LOXHD1: variants seen among roughly 807,000 people sequenced by gnomAD.
LOXHD1 encodes lipoxygenase homology domain-containing protein 1.
A neutral mutation model predicts 248.2 loss-of-function variants in LOXHD1; 205 were observed. The observed-to-expected ratio is 0.83, with a 90% CI of 0.74 to 0.93. LOXHD1 has a LOEUF of 0.93. Among genes scored for constraint, LOXHD1 ranks in the 40% least tolerant of loss-of-function variants. The pLI, the probability that LOXHD1 is intolerant of heterozygous loss-of-function variation, is 0.00. For missense variants in LOXHD1, 2,930 were observed against 2,971.6 expected (o/e 0.99, Z 0.33); for synonymous variants, 1,113 against 1,162.8 (o/e 0.96, Z 0.87).
Position 46,577,729 on chromosome 18 carries a change from T to C in LOXHD1, c.1948A>G (p.Asn650Asp). ...TACCTGAGACATGGGAACTCCACGT[T>C]GTCGCTCTCAGGCTGCCCCTCCTCT... is the stretch of plus-strand genomic sequence containing the variant. Reference protein sequence around the residue: ...VREEGQPESDNVEFPCLRWLD... With the variant: ...VREEGQPESDDVEFPCLRWLD... The change falls in exon 14 of 41, where the codon AAC (asparagine) becomes GAC (aspartate). Residue 650 changes from asparagine to aspartate, a missense_variant. By Grantham distance (23) the Asn-to-Asp change is conservative. Coordinates refer to ENST00000642948, the MANE Select transcript of LOXHD1 (RefSeq NM_001384474.1). 9 of 1,551,508 alleles carry C rather than the reference T, an allele frequency of 5.8e-6. No homozygotes were observed. The highest frequency in any genetic ancestry group is 7.8e-6 in the Non-Finnish European group (9 of 1,146,840).
At chr18:46,542,667 C>G (rs2036612545) in intron 24 of LOXHD1, 60 bp downstream of exon 24, 2 of 1,532,000 alleles carry the variant, frequency 1.3e-6, no homozygotes, top group East Asian at 4.9e-5. Flanking sequence ...CAGATGCCCA[C>G]AAGGACCTGT....
chr18:46,562,956 G>T, intron 18 of LOXHD1, 109 bp downstream of exon 18: 2 of 1,295,360 alleles, frequency 1.5e-6, no homozygotes, highest in Non-Finnish European at 2.1e-6. Context: ...CTGGAGGGAG[G>T]CAGCCCATTC....
chr18:46,487,838 C>G (rs368029609), intron 38 of LOXHD1, among the ~76,000 whole-genome samples: 1 of 152,178 alleles, frequency 6.6e-6, no homozygotes, highest in African/African-American at 2.4e-5. Flanking sequence ...AGCCAAGTCT[C>G]GGCTAGAGCC....
intron 33 of LOXHD1, 105 bp from the exon 34 acceptor site, chr18:46,518,361 A>C (rs1006048608): frequency 1.5e-6 from 2 of 1,347,352 alleles, no homozygotes; most frequent in Admixed American, 2.4e-5. Context: ...CAAGTTCCAC[A>C]GCTCTGGAAA....
intron 35 of LOXHD1, 36 bp from the exon 36 acceptor site, chr18:46,507,748 C>A: frequency 1.3e-6 from 2 of 1,528,046 alleles, no homozygotes; most frequent in Non-Finnish European, 8.8e-7. Flanking sequence ...AATGCCCTGT[C>A]CTCCCTCACC....
intron 4 of LOXHD1, among the ~76,000 whole-genome samples, chr18:46,627,623 A>G (rs2038760863): frequency 1.3e-5 from 2 of 152,146 alleles, no homozygotes; most frequent in African/African-American, 4.8e-5. Flanking sequence ...TGCTGGGTTG[A>G]AAGAGAATGT....
chr18:46,576,336 T>C (rs955263888), intron 14 of LOXHD1, among the ~76,000 whole-genome samples: 1 of 151,934 alleles, frequency 6.6e-6, no homozygotes, highest in East Asian at 1.9e-4. Context: ...CACACCCCGC[T>C]TCCCCCGTGG....
At chr18:46,595,253 A>G (rs1312883096) in intron 8 of LOXHD1, among the ~76,000 whole-genome samples, 1 of 152,094 alleles carries the variant, frequency 6.6e-6, no homozygotes, top group Admixed American at 6.5e-5. Flanking sequence ...CTCACCTCAT[A>G]CTCACTATTG....
intron 3 of LOXHD1, among the ~76,000 whole-genome samples, chr18:46,640,271 C>T (rs2038946292): frequency 6.6e-6 from 1 of 152,172 alleles, no homozygotes; most frequent in African/African-American, 2.4e-5. Context: ...GAAGCAGAAG[C>T]CAACTAGACC....
chr18:46,627,518 G>GA lies in LOXHD1; in HGVS notation c.512-9229dup, dbSNP rs796474993. On this transcript the variant is annotated intron_variant, in intron 4 of 40. Transcript: ENST00000642948. ...GGAGAAAGTGCTATTTCCACAAACA[G>GA]AAAAAAAAAGGCTATTTTAAACACC... Among the ~76,000 whole-genome samples the GA allele has an allele frequency of 6.4e-3, 962 of 149,496 alleles. 15 individuals are homozygous for GA. The highest frequency in any genetic ancestry group is 0.022 in the African/African-American group (897 of 40,812).
chr18:46,652,838 T>C (rs2039128957), intron 1 of LOXHD1, among the ~76,000 whole-genome samples: 1 of 152,170 alleles, frequency 6.6e-6, no homozygotes, highest in East Asian at 1.9e-4. Flanking sequence ...TCAAATGCAA[T>C]AGTAATCAGC....
At chr18:46,540,188 G>A (rs1487901011) in intron 25 of LOXHD1, among the ~76,000 whole-genome samples, 5 of 152,176 alleles carry the variant, frequency 3.3e-5, no homozygotes, top group Non-Finnish European at 7.3e-5. Context: ...AAGTCACATG[G>A]TAGAACTTGA....
chr18:46,539,571 A>C (rs554207763), intron 25 of LOXHD1, among the ~76,000 whole-genome samples: 2 of 152,306 alleles, frequency 1.3e-5, no homozygotes, highest in South Asian at 4.1e-4. Flanking sequence ...CACCTGAAAC[A>C]ATGTATTGCT....
intron 40 of LOXHD1, among the ~76,000 whole-genome samples, chr18:46,483,187 T>G (rs916666371): frequency 1.3e-5 from 2 of 152,186 alleles, no homozygotes; most frequent in African/African-American, 4.8e-5. Context: ...CCCACATGGA[T>G]GGTGGGTTTT....
Position 46,555,768 on chromosome 18 carries a change from G to A in LOXHD1, c.3350+1588C>T, listed in dbSNP as rs555669454. 2.2e-4 allele frequency among the ~76,000 whole-genome samples: 33 copies of A among 152,086 alleles called. 1 individual carries two copies. The highest frequency in any genetic ancestry group is 3.4e-3 in the Middle Eastern group (1 of 294). ...GGGCAATGAGGCCTAATGAAAACAC[G>A]TTCAATTCAACATAGACAGTCTGGA... On this transcript the variant is annotated intron_variant, in intron 21 of 40. Coordinates refer to ENST00000642948, the MANE Select transcript of LOXHD1 (RefSeq NM_001384474.1).
At chr18:46,637,470 A>G (rs1223309304) in intron 4 of LOXHD1, among the ~76,000 whole-genome samples, 2 of 152,206 alleles carry the variant, frequency 1.3e-5, no homozygotes, top group Non-Finnish European at 2.9e-5. Flanking sequence ...AAAAGTGGCA[A>G]GTTTGACAGT....
chr18:46,521,504 A>G (rs1598907554), intron 32 of LOXHD1, among the ~76,000 whole-genome samples: 1 of 152,188 alleles, frequency 6.6e-6, no homozygotes, highest in African/African-American at 2.4e-5. Flanking sequence ...AAAAAAGCAT[A>G]TCTAGATGTC....
intron 8 of LOXHD1, among the ~76,000 whole-genome samples, chr18:46,599,392 C>T (rs1050699081): frequency 6.6e-6 from 1 of 152,100 alleles, no homozygotes; most frequent in Non-Finnish European, 1.5e-5. Context: ...GTTGCTGGAA[C>T]ATTTGCATAT....
intron 37 of LOXHD1, among the ~76,000 whole-genome samples, chr18:46,503,295 C>G (rs187376949): frequency 3.1e-4 from 47 of 152,286 alleles, no homozygotes; most frequent in African/African-American, 1.1e-3. Flanking sequence ...GACAAGCTCT[C>G]CTGTTAGGGT....
Sources: gnomAD v4.1 joint callset for allele counts (sites outside exome capture counted in the v4.1 genomes callset) on GRCh38, gnomAD v4.1.1 for gene constraint, MANE v1.5 for transcripts, NCBI Gene and HGNC (gene_info 2026-07-23, HGNC 2026-07-21) for gene names.